The following OTOP1 variants were observed in gnomAD, a reference collection of about 807,000 sequenced individuals.
The protein encoded by OTOP1 is otopetrin 1.
OTOP1 carries 59 observed loss-of-function variants against 52.9 expected under a neutral mutation model. The observed-to-expected ratio is 1.12, with a 90% confidence interval of 0.91 to 1.39. The LOEUF (loss-of-function observed/expected upper bound fraction) is 1.39. Among genes scored for constraint, OTOP1 ranks in the 40% most tolerant of loss-of-function variants. OTOP1 has a pLI of 0.00. For synonymous variants in OTOP1, 317 were observed against 337.7 expected (o/e 0.94, Z 0.67); for missense variants, 761 against 800.9 (o/e 0.95, Z 0.60).
At chr4:4,193,088 G>A (rs1307381245) in intron 5 of OTOP1, among the ~76,000 whole-genome samples, 15 of 152,114 alleles carry the variant, frequency 9.9e-5, no homozygotes, top group South Asian at 2.1e-4. Context: ...GTCAGATCCC[G>A]TCACTCTCAG....
In OTOP1 at chr4:4,197,355, C is replaced by T. The variant is rs775532058; in HGVS notation, c.1479G>A (p.Lys493=). Residue 493 remains lysine, a synonymous_variant, in exon 5 of 6, where the codon AAG becomes AAA. Transcript: ENST00000296358. ...TTCCATTGGCTGCTGGTGGCATGTC[C>T]TTGCCCTGGGGAGCCACATCTCTGG... ...GVARDVAPQG[K]DMPPAANGNV... 5.6e-6 allele frequency: 9 copies of T among 1,614,074 alleles called. No homozygotes were observed. The South Asian group carries it at 7.7e-5, about 14-fold the overall frequency.
In OTOP1 at chr4:4,219,991, AGG is replaced by A. The variant is rs1298319956; in HGVS notation, c.403+6469_403+6470del. 2.0e-3 allele frequency among the ~76,000 whole-genome samples: 192 copies of A among 93,890 alleles called. 1 individual carries two copies. The highest frequency in any genetic ancestry group is 9.0e-3 in the African/African-American group (176 of 19,602). 61.6% of individuals were successfully genotyped at this position (93,890 alleles called of 152,430 possible). A position where few individuals can be genotyped will look rare whatever the true frequency, so the allele number is the denominator to read the frequency against. On this transcript the variant is annotated intron_variant, in intron 1 of 5. Coordinates refer to ENST00000296358, the MANE Select transcript of OTOP1 (RefSeq NM_177998.3). Reference sequence around the variant, plus strand: ...CATATATACACATATATACGTATATAGGTGTATATACATATATATGTATATAC... The same window carrying A: ...CATATATACACATATATACGTATATATGTATATACATATATATGTATATAC...
Position 4,225,717 on chromosome 4 carries a change from T to C in OTOP1, c.403+745A>G, listed in dbSNP as rs562731780. On this transcript the variant is annotated intron_variant, in intron 1 of 5. Coordinates refer to ENST00000296358, the MANE Select transcript of OTOP1 (RefSeq NM_177998.3). ...CATTCATTATTTCATTCATACCCCCTCATTTTCTCAACACCCACTTCGTGC... is the reference window on the plus strand; with the variant it reads ...CATTCATTATTTCATTCATACCCCCCCATTTTCTCAACACCCACTTCGTGC... Among the ~76,000 whole-genome samples, 53 of 152,220 alleles carry C rather than the reference T, an allele frequency of 3.5e-4. 1 individual carries two copies. The South Asian group carries it at 0.011, about 30-fold the overall frequency.
At chr4:4,210,423 A>G (rs575483577) in intron 2 of OTOP1, among the ~76,000 whole-genome samples, 2 of 152,292 alleles carry the variant, frequency 1.3e-5, no homozygotes, top group East Asian at 3.9e-4. Context: ...TCCAAGATCA[A>G]GGTGTTGGTT....
chr4:4,226,447 G>C lies in OTOP1; in HGVS notation c.403+15C>G. 2.1e-6 allele frequency: 3 copies of C among 1,417,046 alleles called. No homozygotes were observed. The highest frequency in any genetic ancestry group is 2.8e-6 in the Non-Finnish European group (3 of 1,090,678). The allele number at this position is 1,417,046 out of a possible 1,614,324, so 87.8% of individuals were successfully genotyped here. Reference sequence around the variant, plus strand: ...CGAGGAGGCGGAGACCCGCTCGCCCGGCGCCTGGACTCACCGCGCAGCCAG... The same window carrying C: ...CGAGGAGGCGGAGACCCGCTCGCCCCGCGCCTGGACTCACCGCGCAGCCAG... On this transcript the variant is annotated intron_variant, in intron 1 of 5. Transcript: ENST00000296358.
intron 5 of OTOP1, 123 bp downstream of exon 5, chr4:4,197,043 T>G (rs1334242113): frequency 2.8e-6 from 3 of 1,065,024 alleles, no homozygotes; most frequent in Non-Finnish European, 4.0e-6. Flanking sequence ...TGGGATCATT[T>G]GTGCACCAAA....
intron 1 of OTOP1, among the ~76,000 whole-genome samples, chr4:4,225,566 CAA>C (rs60600637): frequency 3.6e-5 from 4 of 111,492 alleles, no homozygotes; most frequent in Non-Finnish European, 5.4e-5. Context: ...AACATTGTCT[CAA>C]AAAAAAAAAA....
At chr4:4,210,226 G>A (rs767609556) in intron 2 of OTOP1, among the ~76,000 whole-genome samples, 11 of 152,166 alleles carry the variant, frequency 7.2e-5, no homozygotes, top group African/African-American at 1.9e-4. Flanking sequence ...AACGCAGTTC[G>A]TTCTGCCCTC....
chr4:4,219,034 A>G (rs1717213048), intron 1 of OTOP1, among the ~76,000 whole-genome samples: 1 of 152,200 alleles, frequency 6.6e-6, no homozygotes. Flanking sequence ...CAAATGCTCA[A>G]AAAAGGCAAA....
In OTOP1 at chr4:4,212,976, G is replaced by A. The variant is rs1197401216; in HGVS notation, c.432C>T (p.Thr144=). ...CAATTTTAAGGCATCCCAGGATGAC[G>A]GTAATGACTGCAAACAATGTGATAC... ...RGSITLFAVI[T]VILGCLKIGY... is the part of the protein sequence containing the mutation. The change falls in exon 2 of 6, where the codon ACC becomes ACT. Residue 144 remains threonine (T), a synonymous_variant. Coordinates refer to ENST00000296358, the MANE Select transcript of OTOP1 (RefSeq NM_177998.3). The A allele has an allele frequency of 2.5e-6, 4 of 1,613,892 alleles. No individual in the cohort carries two copies. The highest frequency in any genetic ancestry group is 3.4e-6 in the Non-Finnish European group (4 of 1,179,830).
At chr4:4,210,505 G>A (rs1717003028) in intron 2 of OTOP1, among the ~76,000 whole-genome samples, 1 of 152,146 alleles carries the variant, frequency 6.6e-6, no homozygotes, top group South Asian at 2.1e-4. Flanking sequence ...CTGTCTCTCT[G>A]TGTGTGTCTG....
chr4:4,198,636 C>T (rs1001721606), intron 4 of OTOP1, among the ~76,000 whole-genome samples: 2 of 152,220 alleles, frequency 1.3e-5, no homozygotes, highest in Middle Eastern at 3.4e-3. Context: ...AAAGATGTGC[C>T]TCTTAAGACT....
intron 3 of OTOP1, among the ~76,000 whole-genome samples, chr4:4,204,883 G>A (rs1230256423): frequency 6.6e-6 from 1 of 152,052 alleles, no homozygotes; most frequent in Non-Finnish European, 1.5e-5. Context: ...GGATTCTTCT[G>A]CCTGAGCCTC....
chr4:4,208,414 A>G (rs1330132707), intron 2 of OTOP1, among the ~76,000 whole-genome samples: 1 of 152,192 alleles, frequency 6.6e-6, no homozygotes, highest in Non-Finnish European at 1.5e-5. Context: ...TCACAGTGGT[A>G]TAGACATACA....
At chr4:4,210,396 C>A (rs576876231) in intron 2 of OTOP1, among the ~76,000 whole-genome samples, 33 of 152,192 alleles carry the variant, frequency 2.2e-4, no homozygotes, top group Admixed American at 2.2e-3. Context: ...CTCTTCTCAG[C>A]GTCCTGAGGC....
At chr4:4,189,108 G>A in intron 5 of OTOP1, 135 bp from the exon 6 acceptor site, 1 of 736,314 alleles carries the variant, frequency 1.4e-6, no homozygotes, top group African/African-American at 1.8e-5. Flanking sequence ...GAACAATAAG[G>A]AGACCTCATG....
At chr4:4,196,069 C>T (rs952450771) in intron 5 of OTOP1, among the ~76,000 whole-genome samples, 2 of 152,162 alleles carry the variant, frequency 1.3e-5, no homozygotes, top group African/African-American at 4.8e-5. Context: ...GCCTCCATTC[C>T]TTATTTTAAA....
chr4:4,226,878 G>A lies in OTOP1; in HGVS notation c.-14C>T, dbSNP rs1399128029. 3.0e-6 allele frequency: 4 copies of A among 1,314,872 alleles called. No homozygotes were observed. The highest frequency in any genetic ancestry group is 3.9e-6 in the Non-Finnish European group (4 of 1,035,618). 81.5% of individuals were successfully genotyped at this position (1,314,872 alleles called of 1,614,324 possible). A position where few individuals can be genotyped will look rare whatever the true frequency, so the allele number is the denominator to read the frequency against. On this transcript the variant is annotated 5_prime_UTR_variant, in exon 1 of 6. Transcript: ENST00000296358. Reference sequence around the variant, plus strand: ...GCCCTCGAGCATCTTCGAGACACCCGCGCCAAGTCTGGTCCCGGGGGTGGC... The same window carrying A: ...GCCCTCGAGCATCTTCGAGACACCCACGCCAAGTCTGGTCCCGGGGGTGGC...
rs1286434861 is a variant in OTOP1, at chr4:4,197,256, G to C, written c.1578C>G (p.Ser526Arg). 6.2e-7 allele frequency: 1 copy of C among 1,614,172 alleles called. No individual in the cohort carries two copies. Among genetic ancestry groups the C allele is most frequent in the Admixed American group, 1.7e-5 (1 of 60,024 alleles). Residue 526 changes from serine to arginine, a missense_variant, in exon 5 of 6, where the codon AGC becomes AGG. Physicochemically the swap from Ser to Arg is moderately radical, Grantham distance 110 (BLOSUM62 -1). Coordinates refer to ENST00000296358, the MANE Select transcript of OTOP1 (RefSeq NM_177998.3). ...GTAAGAAACGGGGAAGGCGGACTGG[G>C]CTTGGGCTCCCTCCCCAGCTGCTCT... ...QEESSWGGSPSPVRLPRFLQG... is the reference protein window; with the variant it reads ...QEESSWGGSPRPVRLPRFLQG...
Sources: gnomAD v4.1 joint callset for allele counts (sites outside exome capture counted in the v4.1 genomes callset) on GRCh38, gnomAD v4.1.1 for gene constraint, MANE v1.5 for transcripts, NCBI Gene and HGNC (gene_info 2026-07-23, HGNC 2026-07-21) for gene names.